The following CLEC5A variants were observed in gnomAD, a reference collection of about 807,000 sequenced individuals.
CLEC5A encodes C-type lectin domain containing 5A, also known as C-type lectin domain family 5 member A.
A neutral mutation model predicts 24.4 loss-of-function variants in CLEC5A; 15 were observed. The observed-to-expected ratio is 0.62, with a 90% CI of 0.41 to 0.95. The LOEUF (loss-of-function observed/expected upper bound fraction) is 0.95, where lower values mean the gene tolerates loss of function less well. CLEC5A is among the 40% of genes least tolerant of loss of function. CLEC5A has a pLI of 0.00. For synonymous variants in CLEC5A, 71 were observed against 72.6 expected (o/e 0.98, Z 0.11); for missense variants, 211 against 224.0 (o/e 0.94, Z 0.37).
chr7:141,939,931 T>A (rs1401883719), intron 4 of CLEC5A, among the ~76,000 whole-genome samples: 1 of 152,074 alleles, frequency 6.6e-6, no homozygotes. Context: ...CACCCAGATA[T>A]GTAAGGAAAA....
rs1378062300 is a variant in CLEC5A, at chr7:141,927,633, C to G, written c.*2471G>C. ...TTGGATGGGGGTTGGCTGACCTAGG[C>G]TGGGCCCACATTTGAGGTCATGAAA... On this transcript the variant is annotated 3_prime_UTR_variant, in exon 7 of 7. Transcript: ENST00000546910. 6.6e-6 allele frequency: 1 copy of G among 152,222 alleles called. No individual in the cohort carries two copies. The highest frequency in any genetic ancestry group is 1.5e-5 in the Non-Finnish European group (1 of 68,038). 9.4% of individuals were successfully genotyped at this position (152,222 alleles called of 1,614,324 possible). A position where few individuals can be genotyped will look rare whatever the true frequency, so the allele number is the denominator to read the frequency against.
At chr7:141,943,803 T>A (rs1350835060) in intron 4 of CLEC5A, 93 bp downstream of exon 4, 9 of 899,006 alleles carry the variant, frequency 1.0e-5, no homozygotes, top group East Asian at 2.5e-5. Flanking sequence ...AGCAAAAAAA[T>A]TCCATAAGAA....
rs1387561201 is a variant in CLEC5A, at chr7:141,935,903, A to C, written c.256T>G (p.Ser86Ala). 6.2e-7 allele frequency: 1 copy of C among 1,613,152 alleles called. No individual in the cohort carries two copies. The highest frequency in any genetic ancestry group is 1.7e-5 in the Admixed American group (1 of 60,014). ...TCATTCCAAGATGATTCAGAAGTGGATAAGAAAAAACATCTTGCTTGATAA... is the reference window on the plus strand; with the variant it reads ...TCATTCCAAGATGATTCAGAAGTGGCTAAGAAAAAACATCTTGCTTGATAA... ...EFYQARCFFL[S>A]TSESSWNESR... Residue 86 changes from serine (S) to alanine (A), a missense_variant, in exon 5 of 7, where the codon TCC becomes GCC. By Grantham distance (99) the Ser-to-Ala change is moderately conservative. Transcript: ENST00000546910.
chr7:141,946,229 A>C lies in CLEC5A; in HGVS notation c.64T>G (p.Leu22Val), dbSNP rs782261538. 84 of 1,566,956 alleles carry C rather than the reference A, an allele frequency of 5.4e-5. No individual in the cohort carries two copies. The highest frequency in any genetic ancestry group is 7.1e-5 in the Non-Finnish European group (82 of 1,154,414). ...AAATACTCACAATAAAGTAGAAATA[A>C]GGTCATTCCAACAACTTTAAGCACT... ...VVVLKVVGMT[L>V]FLLYFPQIFN... The change falls in exon 2 of 7, where the codon TTA becomes GTA. Residue 22 changes from leucine (L) to valine (V), a missense_variant. Physicochemically the swap from Leu to Val is conservative, Grantham distance 32. Coordinates refer to ENST00000546910, the MANE Select transcript of CLEC5A (RefSeq NM_013252.3).
At chr7:141,942,436 T>C (rs1802820282) in intron 4 of CLEC5A, among the ~76,000 whole-genome samples, 1 of 152,066 alleles carries the variant, frequency 6.6e-6, no homozygotes, top group Admixed American at 6.6e-5. Context: ...TCAAAATGGA[T>C]TAAAGACTGA....
chr7:141,934,441 G>C (rs967606311), intron 5 of CLEC5A, among the ~76,000 whole-genome samples: 3 of 151,912 alleles, frequency 2.0e-5, no homozygotes, highest in Admixed American at 1.3e-4. Flanking sequence ...CAGGAAGAGT[G>C]GGGGGGTCAA....
chr7:141,942,441 G>T (rs1418483059), intron 4 of CLEC5A, among the ~76,000 whole-genome samples: 2 of 152,078 alleles, frequency 1.3e-5, no homozygotes, highest in African/African-American at 4.8e-5. Context: ...ATGGATTAAA[G>T]ACTGAAATCT....
intron 4 of CLEC5A, among the ~76,000 whole-genome samples, chr7:141,942,924 A>G (rs1802840457): frequency 6.6e-6 from 1 of 152,188 alleles, no homozygotes; most frequent in Non-Finnish European, 1.5e-5. Flanking sequence ...AAGGCAGGCA[A>G]TACCAATGCT....
At chr7:141,944,586 TA>T (rs1367328644) in intron 3 of CLEC5A, among the ~76,000 whole-genome samples, 1 of 152,108 alleles carries the variant, frequency 6.6e-6, no homozygotes, top group Non-Finnish European at 1.5e-5. Context: ...GAAATCCATA[TA>T]GGGGCCTCAT....
chr7:141,933,878 G>A (rs1481519420), intron 5 of CLEC5A, among the ~76,000 whole-genome samples: 2 of 151,998 alleles, frequency 1.3e-5, no homozygotes, highest in East Asian at 1.9e-4. Flanking sequence ...GACCCTGAAC[G>A]CTAAGGGAGA....
At chr7:141,946,160 G>A (rs1419763110) in intron 2 of CLEC5A, 54 bp downstream of exon 2, 1 of 1,523,978 alleles carries the variant, frequency 6.6e-7, no homozygotes, top group Non-Finnish European at 8.9e-7. Context: ...TGAGAGAAGA[G>A]TCAATGAGCA....
rs372647073 is a variant in CLEC5A, at chr7:141,930,001, C to T, written c.*103G>A. ...CTCAGTTTCCCAAATGGGCAAGGAC[C>T]GCTACTGGTAGACAGATAGGTAAGT... On this transcript the variant is annotated 3_prime_UTR_variant, in exon 7 of 7. Transcript: ENST00000546910. 33 of 837,530 alleles carry T rather than the reference C, an allele frequency of 3.9e-5. No individual in the cohort carries two copies. The highest frequency in any genetic ancestry group is 2.1e-4 in the East Asian group (8 of 37,360). The allele number at this position is 837,530 out of a possible 1,614,324, so 51.9% of individuals were successfully genotyped here. A position where few individuals can be genotyped will look rare whatever the true frequency, so the allele number is the denominator to read the frequency against.
chr7:141,945,692 C>T (rs1342973623), intron 2 of CLEC5A: 2 of 456,366 alleles, frequency 4.4e-6, no homozygotes, highest in Non-Finnish European at 4.0e-6. Flanking sequence ...TTTATTTTCC[C>T]TACTGGCTTC....
chr7:141,936,276 G>A (rs1802622501), intron 4 of CLEC5A: 3 of 328,132 alleles, frequency 9.1e-6, no homozygotes, highest in South Asian at 2.8e-5. Context: ...CTCAGTACCT[G>A]GATAGCTGAA....
At chr7:141,944,523 A>C (rs187350832) in intron 3 of CLEC5A, among the ~76,000 whole-genome samples, 17 of 152,322 alleles carry the variant, frequency 1.1e-4, no homozygotes, top group Middle Eastern at 6.8e-3. Flanking sequence ...ACAAGGAAGC[A>C]GGTGAACTTT....
chr7:141,940,718 T>G (rs1802768085), intron 4 of CLEC5A, among the ~76,000 whole-genome samples: 1 of 149,776 alleles, frequency 6.7e-6, no homozygotes, highest in South Asian at 2.1e-4. Flanking sequence ...ATGACCCAAA[T>G]TAATAAAATC....
intron 4 of CLEC5A, among the ~76,000 whole-genome samples, chr7:141,941,769 T>C (rs113798829): frequency 0.021 from 3,262 of 152,094 alleles, 117 homozygotes; most frequent in African/African-American, 0.074. Context: ...ATTAGTAGCA[T>C]TTCTATATGC....
chr7:141,935,852 C>T lies in CLEC5A; in HGVS notation c.307G>A (p.Gly103Arg). Residue 103 changes from glycine to arginine, a missense_variant, in exon 5 of 7, where the codon GGA (glycine) becomes AGA (arginine). Physicochemically the swap from Gly to Arg is moderately radical, Grantham distance 125. Transcript: ENST00000546910. The stretch of plus-strand genomic sequence containing the variant: ...GTGTTGACAATTGCCAATGTGGATC[C>T]TTTTCCTTTGCAAAAGTCCCTGCTT... ...NESRDFCKGK[G>R]STLAIVNTPE... is the part of the protein sequence containing the mutation. 1.2e-6 allele frequency: 2 copies of T among 1,613,978 alleles called. No individual in the cohort carries two copies. Among genetic ancestry groups the T allele is most frequent in the Non-Finnish European group, 1.7e-6 (2 of 1,179,884 alleles).
At chr7:141,942,218 G>A (rs1802814979) in intron 4 of CLEC5A, among the ~76,000 whole-genome samples, 1 of 152,124 alleles carries the variant, frequency 6.6e-6, no homozygotes, top group Non-Finnish European at 1.5e-5. Context: ...CCATGGTACT[G>A]TCATAACAAC....
Sources: gnomAD v4.1 joint callset for allele counts (sites outside exome capture counted in the v4.1 genomes callset) on GRCh38, gnomAD v4.1.1 for gene constraint, MANE v1.5 for transcripts, NCBI Gene and HGNC (gene_info 2026-07-23, HGNC 2026-07-21) for gene names.